Variants in SLC38A7 observed in about 807,000 individuals in gnomAD.
The protein encoded by SLC38A7 is solute carrier family 38 member 7, also known as sodium-coupled neutral amino acid transporter 7.
In SLC38A7, 29 loss-of-function variants were observed where a neutral mutation model predicts 50.1. That is an observed-to-expected ratio of 0.58 (90% CI 0.43 to 0.79). The LOEUF is 0.79. SLC38A7 is among the 30% of genes least tolerant of loss of function. The pLI is 0.00. For missense variants in SLC38A7, 483 were observed against 610.6 expected, an observed-to-expected ratio of 0.79 and a Z score of 2.20; for synonymous variants, 244 against 245.9, an observed-to-expected ratio of 0.99 and a Z score of 0.07.
chr16:58,674,574 C>G (rs796250496), intron 8 of SLC38A7, among the ~76,000 whole-genome samples: 6 of 152,202 alleles, frequency 3.9e-5, no homozygotes, highest in African/African-American at 1.2e-4. Flanking sequence ...TGTGACTGGC[C>G]TCATCGCTTT....
chr16:58,671,070 G>A lies in SLC38A7; in HGVS notation c.1206C>T (p.Ala402=), dbSNP rs748503675. The A allele has an allele frequency of 3.7e-6, 6 of 1,609,248 alleles. No individual in the cohort carries two copies. The highest frequency in any genetic ancestry group is 2.2e-5 in the East Asian group (1 of 44,452). The part of the protein sequence containing the change: ...GKVISVIGGL[A]ACFIFVFPGL... The stretch of plus-strand genomic sequence containing the variant: ...CTGGGAAGACGAAGATGAAGCAGGC[G>A]GCCAGGCCTCCAATGACTGAGATCA... The change falls in exon 10 of 12, where the codon GCC becomes GCT. Residue 402 remains alanine, a synonymous_variant. Coordinates refer to ENST00000219320, the MANE Select transcript of SLC38A7 (RefSeq NM_018231.3).
chr16:58,666,371 C>CTTTTTTTT lies in SLC38A7; in HGVS notation c.*1006_*1013dup, dbSNP rs5817157. ...CGTGAGCCACTGCGCCCAGCCCTGC[C>CTTTTTTTT]TTTTTTTTTTTTTTTTTTTTTTGTC... On this transcript the variant is annotated 3_prime_UTR_variant, in exon 12 of 12. Transcript: ENST00000219320. 7 of 99,972 alleles carry CTTTTTTTT rather than the reference C, an allele frequency of 7.0e-5. 1 individual carries two copies. The highest frequency in any genetic ancestry group is 3.5e-4 in the South Asian group (1 of 2,848). 6.2% of individuals were successfully genotyped at this position (99,972 alleles called of 1,614,324 possible).
intron 2 of SLC38A7, among the ~76,000 whole-genome samples, chr16:58,680,910 G>A (rs911772559): frequency 2.0e-5 from 3 of 152,058 alleles, no homozygotes; most frequent in South Asian, 2.1e-4. Flanking sequence ...CTCCTTTGCC[G>A]CCACCCTTTT....
intron 9 of SLC38A7, chr16:58,671,787 T>C: frequency 8.0e-6 from 2 of 249,360 alleles, no homozygotes; most frequent in Non-Finnish European, 1.5e-5. Flanking sequence ...CCAGGTGGTC[T>C]TGAACTCCCA....
chr16:58,670,185 GC>G lies in SLC38A7; in HGVS notation c.1232-19del. The stretch of plus-strand genomic sequence containing the variant: ...GCACAGCCCTGAAAGAGAAGAAGTG[GC>G]CCTGAGCATTTGTGAGGGGAGAGGG... On this transcript the variant is annotated intron_variant, in intron 10 of 11. Transcript: ENST00000219320. 1 of 1,613,802 alleles carries G rather than the reference GC, an allele frequency of 6.2e-7. No homozygotes were observed.
chr16:58,676,842 G>C (rs532354771), intron 6 of SLC38A7, among the ~76,000 whole-genome samples: 1 of 152,130 alleles, frequency 6.6e-6, no homozygotes, highest in East Asian at 1.9e-4. Context: ...TTTAAGTAGA[G>C]ACGGGGTTTC....
At chr16:58,668,396 G>A (rs2044086032) in intron 11 of SLC38A7, among the ~76,000 whole-genome samples, 1 of 152,196 alleles carries the variant, frequency 6.6e-6, no homozygotes, top group African/African-American at 2.4e-5. Flanking sequence ...CCAACATGGT[G>A]AAACCCCGTC....
intron 6 of SLC38A7, 38 bp from the exon 7 acceptor site, chr16:58,676,384 C>T (rs1293684423): frequency 6.2e-7 from 1 of 1,612,944 alleles, no homozygotes. Context: ...ACCTGGGAAC[C>T]CCTCAGAGCC....
chr16:58,678,542 G>T lies in SLC38A7; in HGVS notation c.470-68C>A. 1.3e-6 allele frequency: 2 copies of T among 1,551,564 alleles called. No homozygotes were observed. Among genetic ancestry groups the T allele is most frequent in the Non-Finnish European group, 1.7e-6 (2 of 1,145,222 alleles). Reference sequence around the variant, plus strand: ...GGGGTGTGGCCCTCCTGCTCTGCTGGGCCCCAGGACCTCCCTCTGCCTGGA... The same window carrying T: ...GGGGTGTGGCCCTCCTGCTCTGCTGTGCCCCAGGACCTCCCTCTGCCTGGA... On this transcript the variant is annotated intron_variant, in intron 4 of 11. Transcript: ENST00000219320. This position sits in a 1 kb window ranked among gnomAD's most constrained non-coding sequence, Gnocchi z 4.0.
rs1567472691 is a variant in SLC38A7, at chr16:58,676,346, C to A, written c.711G>T (p.Arg237Ser). 4 of 1,614,166 alleles carry A rather than the reference C, an allele frequency of 2.5e-6. No individual in the cohort carries two copies. In the Admixed American group the frequency reaches 6.7e-5, roughly 27 times the overall value. The change falls in exon 7 of 12, where the codon AGG (arginine) becomes AGT (serine). Residue 237 changes from arginine to serine, a missense_variant and splice_region_variant. Physicochemically the swap from Arg to Ser is moderately radical, Grantham distance 110. Coordinates refer to ENST00000219320, the MANE Select transcript of SLC38A7 (RefSeq NM_018231.3). ...KEMTPGNILTRPASWMAVFNA... is the reference protein window; with the variant it reads ...KEMTPGNILTSPASWMAVFNA... ...TGAACACAGCCATCCAGGAAGCCGGCCTGTGAACAAACACACATGGTGCTG... is the reference window on the plus strand; with the variant it reads ...TGAACACAGCCATCCAGGAAGCCGGACTGTGAACAAACACACATGGTGCTG...
Position 58,666,579 on chromosome 16 carries a change from G to A in SLC38A7, c.*806C>T, listed in dbSNP as rs1333494484. On this transcript the variant is annotated 3_prime_UTR_variant, in exon 12 of 12. Coordinates refer to ENST00000219320, the MANE Select transcript of SLC38A7 (RefSeq NM_018231.3). ...ACCCACCCTGCGGCCTCTGAAAAGA[G>A]GGGCCCATCTCAGACACAAAAGCAG... The A allele has an allele frequency of 2.0e-5, 3 of 152,896 alleles. No individual in the cohort carries two copies. The highest frequency in any genetic ancestry group is 4.4e-5 in the Non-Finnish European group (3 of 68,274). 9.5% of individuals were successfully genotyped at this position (152,896 alleles called of 1,614,324 possible).
At chr16:58,677,629 G>A (rs910650092) in intron 5 of SLC38A7, 2 of 560,474 alleles carry the variant, frequency 3.6e-6, no homozygotes, top group African/African-American at 1.9e-5. Context: ...GCCAACAGGG[G>A]ACCTGATCAG....
rs756393885 is a variant in SLC38A7 at position 58,667,471 on chromosome 16, T to C, written c.1303A>G (p.Ser435Gly). Reference sequence around the variant, plus strand: ...AGGGTGACCAAGAGGACTCCGTAGCTGACCAGCACCCACCAGCTGTAGAAC... The same window carrying C: ...AGGGTGACCAAGAGGACTCCGTAGCCGACCAGCACCCACCAGCTGTAGAAC... ...VKPASWWVLV[S>G]YGVLLVTLGA... is the part of the protein sequence containing the mutation. The change falls in exon 12 of 12, where the codon AGC (serine) becomes GGC (glycine). Residue 435 changes from serine to glycine, a missense_variant. Physicochemically the swap from Ser to Gly is moderately conservative, Grantham distance 56. Transcript: ENST00000219320. The C allele has an allele frequency of 6.2e-7, 1 of 1,611,154 alleles. No homozygotes were observed. Among genetic ancestry groups the C allele is most frequent in the Non-Finnish European group, 8.5e-7 (1 of 1,178,692 alleles).
intron 11 of SLC38A7, among the ~76,000 whole-genome samples, chr16:58,669,103 C>CTTTTTTTT (rs71155293): frequency 3.7e-5 from 2 of 54,594 alleles, no homozygotes; most frequent in Non-Finnish European, 6.2e-5. Flanking sequence ...GTTTGTATGG[C>CTTTTTTTT]TTTTTTTTTT....
chr16:58,678,624 C>T lies in SLC38A7; in HGVS notation c.469+72G>A, dbSNP rs1352818648. ...GTAAGTCCTGGAGAGGTGTTCAGTG[C>T]CTTTTCCCTCCACCCCAGGATCCCT... On this transcript the variant is annotated intron_variant, in intron 4 of 11. Coordinates refer to ENST00000219320, the MANE Select transcript of SLC38A7 (RefSeq NM_018231.3). This position sits in a 1 kb window ranked among gnomAD's most constrained non-coding sequence, Gnocchi z 4.0. The T allele has an allele frequency of 9.5e-6, 15 of 1,584,482 alleles. No individual in the cohort carries two copies. The African/African-American group carries it at 1.9e-4, about 20-fold the overall frequency.
chr16:58,671,508 C>T lies in SLC38A7; in HGVS notation c.1032-264G>A, dbSNP rs936255708. The T allele has an allele frequency of 8.9e-6, 5 of 559,362 alleles. No homozygotes were observed. In the Admixed American group the frequency reaches 1.5e-4, roughly 17 times the overall value. 34.6% of individuals were successfully genotyped at this position (559,362 alleles called of 1,614,324 possible). On this transcript the variant is annotated intron_variant, in intron 9 of 11. Transcript: ENST00000219320. ...CTTAAAAGGAACTGTCTGGGGCATC[C>T]AAAGGGGAGGGTGTCCATGTGAAAG...
rs181440783 is a variant in SLC38A7, at chr16:58,678,759, C to T, written c.406G>A (p.Ala136Thr). 4.3e-6 allele frequency: 7 copies of T among 1,614,184 alleles called. No homozygotes were observed. The highest frequency in any genetic ancestry group is 2.7e-5 in the African/African-American group (2 of 75,058). The part of the protein sequence containing the change: ...LTGVLCEVAI[A>T]VYTFGTCIAF... ...ATGCAGGTGCCAAAGGTGTAGACAG[C>T]GATGGCCACCTCACATAGCACACCT... The change falls in exon 4 of 12, where the codon GCT becomes ACT. Residue 136 changes from alanine to threonine, a missense_variant. Ala to Thr is a moderately conservative substitution (Grantham distance 58, BLOSUM62 0). Coordinates refer to ENST00000219320, the MANE Select transcript of SLC38A7 (RefSeq NM_018231.3). This position sits in a 1 kb window ranked among gnomAD's most constrained non-coding sequence, Gnocchi z 4.0.
intron 6 of SLC38A7, 110 bp downstream of exon 6, chr16:58,677,216 T>C: frequency 1.2e-6 from 1 of 859,802 alleles, no homozygotes; most frequent in Non-Finnish European, 2.0e-6. Context: ...CCTGATGAGC[T>C]CATGAGCCTT....
intron 8 of SLC38A7, among the ~76,000 whole-genome samples, chr16:58,673,071 C>G (rs1283530608): frequency 1.4e-5 from 2 of 147,160 alleles, no homozygotes; most frequent in Non-Finnish European, 3.0e-5. Context: ...GGGATTACAC[C>G]ATGCCCGGCT....
Sources: gnomAD v4.1 joint callset for allele counts (sites outside exome capture counted in the v4.1 genomes callset) on GRCh38, gnomAD v4.1.1 for gene constraint, Gnocchi (gnomAD v3.1) non-coding constraint, MANE v1.5 for transcripts, NCBI Gene and HGNC (gene_info 2026-07-23, HGNC 2026-07-21) for gene names.